The following ATP2B1 variants were observed in gnomAD, a reference collection of about 807,000 sequenced individuals.
ATP2B1 encodes the protein ATPase plasma membrane Ca2+ transporting 1.
In ATP2B1, 14 loss-of-function variants were observed where a neutral mutation model predicts 124.2. That is an observed-to-expected ratio of 0.11 (90% confidence interval 0.07 to 0.18). ATP2B1 has a LOEUF of 0.18. Ranked by LOEUF, ATP2B1 falls within the 10% of genes least tolerant of loss-of-function variation. The probability of loss-of-function intolerance (pLI) is 1.00; values close to 1 mark genes in which losing one functional copy is unlikely to be tolerated. For synonymous variants in ATP2B1, 449 were observed against 492.4 expected, an observed-to-expected ratio of 0.91 and a Z score of 1.17; for missense variants, 763 against 1,466.1, an observed-to-expected ratio of 0.52 and a Z score of 7.83.
At chr12:89,695,884 A>G (rs1891087723) in intron 1 of ATP2B1, among the ~76,000 whole-genome samples, 2 of 152,230 alleles carry the variant, frequency 1.3e-5, no homozygotes, top group Admixed American at 1.3e-4. Context: ...TTTACCTGAC[A>G]TATCATTCAG....
intron 1 of ATP2B1, among the ~76,000 whole-genome samples, chr12:89,669,839 A>G (rs1393005382): frequency 6.6e-6 from 1 of 152,200 alleles, no homozygotes; most frequent in East Asian, 1.9e-4. Flanking sequence ...AAATAAACAA[A>G]AATATTCAGT....
chr12:89,656,817 C>G (rs1221135950), intron 1 of ATP2B1, among the ~76,000 whole-genome samples: 1 of 152,134 alleles, frequency 6.6e-6, no homozygotes, highest in Non-Finnish European at 1.5e-5. Flanking sequence ...GCCCAGTCTT[C>G]TTATTACCTG....
At chr12:89,632,826 G>A (rs569303343) in intron 5 of ATP2B1, among the ~76,000 whole-genome samples, 6 of 152,266 alleles carry the variant, frequency 3.9e-5, no homozygotes, top group Non-Finnish European at 8.8e-5. Flanking sequence ...TTTCTTAAAT[G>A]TGGAAAATTT....
rs191823438 is a variant in ATP2B1, at chr12:89,630,684, T to C, written c.788-39A>G. ...CATAGTTTGTTTTTAAAAATACTGATAGATCTCCTTGCTACCACCAAATTT... is the reference window on the plus strand; with the variant it reads ...CATAGTTTGTTTTTAAAAATACTGACAGATCTCCTTGCTACCACCAAATTT... On this transcript the variant is annotated intron_variant, in intron 5 of 20. Coordinates refer to ENST00000428670, the MANE Select transcript of ATP2B1 (RefSeq NM_001366521.1). The C allele has an allele frequency of 1.1e-5, 16 of 1,395,972 alleles. No individual in the cohort carries two copies. The African/African-American group carries it at 1.3e-4, about 12-fold the overall frequency. 86.5% of individuals were successfully genotyped at this position (1,395,972 alleles called of 1,614,324 possible). A position where few individuals can be genotyped will look rare whatever the true frequency, so the allele number is the denominator to read the frequency against.
At chr12:89,606,973 A>T (rs780602101) in intron 15 of ATP2B1, among the ~76,000 whole-genome samples, 3 of 152,174 alleles carry the variant, frequency 2.0e-5, no homozygotes, top group Non-Finnish European at 4.4e-5. Flanking sequence ...TCCCTTGCTC[A>T]AAATCCTTAA....
intron 15 of ATP2B1, among the ~76,000 whole-genome samples, chr12:89,606,659 T>C (rs1372554626): frequency 6.7e-6 from 1 of 150,274 alleles, no homozygotes; most frequent in African/African-American, 2.4e-5. Context: ...CTGCAAGCTC[T>C]GCCTTCCGGG....
chr12:89,648,643 C>T (rs1162202513), intron 2 of ATP2B1, among the ~76,000 whole-genome samples: 2 of 152,234 alleles, frequency 1.3e-5, no homozygotes, highest in Admixed American at 6.5e-5. Flanking sequence ...AACAAGTGGG[C>T]TGTGGTGCAA....
chr12:89,621,261 G>A (rs1879915790), intron 10 of ATP2B1, among the ~76,000 whole-genome samples: 1 of 151,996 alleles, frequency 6.6e-6, no homozygotes, highest in Admixed American at 6.6e-5. Context: ...TCAAAAATGA[G>A]CTTAACAAGA....
At chr12:89,689,794 TACAC>T (rs1256836883) in intron 1 of ATP2B1, among the ~76,000 whole-genome samples, 1 of 152,138 alleles carries the variant, frequency 6.6e-6, no homozygotes, top group Non-Finnish European at 1.5e-5. Flanking sequence ...ATACACATAG[TACAC>T]ACAAAGTCAT....
At chr12:89,639,198 T>C (rs1430125090) in intron 3 of ATP2B1, among the ~76,000 whole-genome samples, 1 of 152,164 alleles carries the variant, frequency 6.6e-6, no homozygotes, top group South Asian at 2.1e-4. Context: ...TGTAGTGTAC[T>C]AATAATGATT....
chr12:89,661,097 G>T lies in ATP2B1; in HGVS notation c.-221-4990C>A, dbSNP rs758094714. On this transcript the variant is annotated intron_variant, in intron 1 of 20. Coordinates refer to ENST00000428670, the MANE Select transcript of ATP2B1 (RefSeq NM_001366521.1). ...CACTTTATTTTCATTCATTTAATGA[G>T]AATACAAAGTTTTAAGTTTCAAATT... Among the ~76,000 whole-genome samples, 58 of 151,992 alleles carry T rather than the reference G, an allele frequency of 3.8e-4. 1 individual carries two copies. Among genetic ancestry groups the T allele is most frequent in the Non-Finnish European group, 7.4e-5 (5 of 67,980 alleles).
intron 9 of ATP2B1, 41 bp downstream of exon 9, chr12:89,624,142 C>T: frequency 1.3e-6 from 2 of 1,574,150 alleles, no homozygotes; most frequent in Non-Finnish European, 1.7e-6. Flanking sequence ...CCAGCTAAGG[C>T]TTTAAACATA....
chr12:89,679,987 G>A (rs1889136640), intron 1 of ATP2B1, among the ~76,000 whole-genome samples: 3 of 152,036 alleles, frequency 2.0e-5, no homozygotes, highest in Non-Finnish European at 2.9e-5. Flanking sequence ...AGAAACCAAA[G>A]AGAAAGACAC....
chr12:89,593,493 G>A (rs1259452204), intron 20 of ATP2B1: 1 of 152,002 alleles, frequency 6.6e-6, no homozygotes, highest in African/African-American at 2.4e-5. Flanking sequence ...TTTTCCATCT[G>A]TTTTTCTTTG....
At position 89,698,449 on chromosome 12, in the gene ATP2B1, A is replaced by G. The variant is rs1275696844; in HGVS notation, c.-222+10147T>C. On this transcript the variant is annotated intron_variant, in intron 1 of 20. Transcript: ENST00000428670. ...AGTCAAATTATTCTATAGCGACAGA[A>G]AGCAGATCGGGGCTGCCTGAGGAAA... 2.0e-5 allele frequency among the ~76,000 whole-genome samples: 3 copies of G among 152,196 alleles called. No homozygotes were observed. The East Asian group carries it at 5.8e-4, about 29-fold the overall frequency.
intron 1 of ATP2B1, among the ~76,000 whole-genome samples, chr12:89,686,461 T>C (rs1474383916): frequency 1.3e-5 from 2 of 152,156 alleles, no homozygotes; most frequent in East Asian, 3.8e-4. Context: ...TTTTACTTTG[T>C]AGTTAGAATT....
chr12:89,698,651 AT>A (rs1287101955), intron 1 of ATP2B1, among the ~76,000 whole-genome samples: 1 of 150,450 alleles, frequency 6.6e-6, no homozygotes, highest in Non-Finnish European at 1.5e-5. Context: ...ACTATAACAA[AT>A]TTGTTTATGA....
intron 15 of ATP2B1, 54 bp from the exon 16 acceptor site, chr12:89,604,400 A>G (rs1876436966): frequency 1.4e-6 from 2 of 1,403,868 alleles, no homozygotes. Flanking sequence ...TAACTTTCAA[A>G]TAGTCAAAAA....
At chr12:89,705,621 C>A (rs1194680918) in intron 1 of ATP2B1, among the ~76,000 whole-genome samples, 1 of 152,034 alleles carries the variant, frequency 6.6e-6, no homozygotes, top group Non-Finnish European at 1.5e-5. Flanking sequence ...GTCTGTCAGT[C>A]AAAGGAAATT....
Sources: allele counts gnomAD v4.1 joint callset (sites outside exome capture counted in the v4.1 genomes callset), GRCh38; gene constraint gnomAD v4.1.1; transcripts MANE v1.5; gene names NCBI Gene and HGNC (gene_info 2026-07-23, HGNC 2026-07-21).